The following IFIH1 variants were observed in gnomAD, a reference collection of about 807,000 sequenced individuals.
IFIH1 encodes interferon-induced helicase C domain-containing protein 1.
IFIH1 carries 125 observed loss-of-function variants against 107.4 expected under a neutral mutation model. The ratio of observed to expected loss-of-function variants is 1.16; its 90% CI spans 1.01 to 1.35. The LOEUF is 1.35. Ranked by LOEUF, IFIH1 falls within the 40% of genes most tolerant of loss-of-function variation. The probability of loss-of-function intolerance (pLI) is 0.00; values close to 1 mark genes in which losing one functional copy is unlikely to be tolerated. For missense variants in IFIH1, 1,333 were observed against 1,213.7 expected (o/e 1.10, Z -1.46); for synonymous variants, 458 against 413.2 (o/e 1.11, Z -1.31).
intron 4 of IFIH1, among the ~76,000 whole-genome samples, chr2:162,291,064 A>C (rs1682988606): frequency 6.6e-6 from 1 of 151,878 alleles, no homozygotes; most frequent in Non-Finnish European, 1.5e-5. Context: ...TAATCAATTA[A>C]ATGAAAATAG....
intron 8 of IFIH1, among the ~76,000 whole-genome samples, chr2:162,279,241 AAG>A (rs1474463736): frequency 6.6e-6 from 1 of 152,070 alleles, no homozygotes; most frequent in Non-Finnish European, 1.5e-5. Context: ...AATTTAAAAA[AAG>A]AGATATACGG....
At chr2:162,296,848 T>C (rs1358249160) in intron 3 of IFIH1, among the ~76,000 whole-genome samples, 1 of 152,112 alleles carries the variant, frequency 6.6e-6, no homozygotes, top group Non-Finnish European at 1.5e-5. Flanking sequence ...AACACCTCTG[T>C]TCTCGTTACA....
chr2:162,273,835 A>C lies in IFIH1; in HGVS notation c.2414T>G (p.Ile805Ser), dbSNP rs753623939. 11 of 1,609,048 alleles carry C rather than the reference A, an allele frequency of 6.8e-6. No individual in the cohort carries two copies. Among genetic ancestry groups the C allele is most frequent in the African/African-American group, 1.3e-5 (1 of 74,666 alleles). The part of the protein sequence containing the change: ...GLDIKECNIV[I>S]RYGLVTNEIA... ...TTCATTGGTGACGAGACCATAACGGATAACAATGTTACATTCTTTAATATC... is the reference window on the plus strand; with the variant it reads ...TTCATTGGTGACGAGACCATAACGGCTAACAATGTTACATTCTTTAATATC... Residue 805 changes from isoleucine to serine, a missense_variant, in exon 12 of 16, where the codon ATC becomes AGC. Ile to Ser is a moderately radical substitution (Grantham distance 142). Coordinates refer to ENST00000649979, the MANE Select transcript of IFIH1 (RefSeq NM_022168.4).
chr2:162,277,077 C>T (rs1001498875), intron 10 of IFIH1, 131 bp from the exon 11 acceptor site: 5 of 694,718 alleles, frequency 7.2e-6, no homozygotes, highest in African/African-American at 5.5e-5. Flanking sequence ...AATTTAAAAA[C>T]TATTTGGAAG....
At chr2:162,295,543 TAAG>T (rs1437297315) in intron 3 of IFIH1, among the ~76,000 whole-genome samples, 3 of 152,000 alleles carry the variant, frequency 2.0e-5, no homozygotes, top group East Asian at 1.9e-4. Context: ...AGTAAGCTGA[TAAG>T]AAATTTGTAG....
chr2:162,310,027 CTCTA>C (rs1477268257), intron 2 of IFIH1: 2 of 152,216 alleles, frequency 1.3e-5, no homozygotes, highest in African/African-American at 4.8e-5. Context: ...CTCTTACAGT[CTCTA>C]TCAATTACCC....
rs201917037 is a variant in IFIH1 at position 162,282,432 on chromosome 2, C to G, written c.1240G>C (p.Ala414Pro). Residue 414 changes from alanine to proline, a missense_variant, in exon 6 of 16, where the codon GCT (alanine) becomes CCT (proline). Physicochemically the swap from Ala to Pro is conservative, Grantham distance 27. Coordinates refer to ENST00000649979, the MANE Select transcript of IFIH1 (RefSeq NM_022168.4). ...VKSCDIIIST[A>P]QILENSLLNL... The stretch of plus-strand genomic sequence containing the variant: ...AAGAGGGAGTTTTCAAGGATTTGAG[C>G]TGTACTGATAATAATATCACAGGAC... The G allele has an allele frequency of 2.1e-5, 34 of 1,612,056 alleles. No individual in the cohort carries two copies. The East Asian group carries it at 7.4e-4, about 35-fold the overall frequency.
chr2:162,268,000 C>T (rs945788296), intron 14 of IFIH1, 87 bp downstream of exon 14: 16 of 839,850 alleles, frequency 1.9e-5, no homozygotes, highest in Non-Finnish European at 2.7e-5. Flanking sequence ...AAATGAATCT[C>T]ATTTGCACTA....
At chr2:162,273,176 T>C (rs184447105) in intron 12 of IFIH1, among the ~76,000 whole-genome samples, 77 of 152,304 alleles carry the variant, frequency 5.1e-4, no homozygotes, top group South Asian at 8.3e-4. Flanking sequence ...GTGTATCTAT[T>C]AATCAGCATA....
intron 2 of IFIH1, chr2:162,310,451 T>G: frequency 2.3e-6 from 1 of 432,026 alleles, no homozygotes; most frequent in Non-Finnish European, 4.1e-6. Flanking sequence ...CTAAAATACT[T>G]TCTTCCAATG....
intron 1 of IFIH1, among the ~76,000 whole-genome samples, chr2:162,316,415 A>G (rs1683488893): frequency 6.6e-6 from 1 of 152,218 alleles, no homozygotes; most frequent in Admixed American, 6.5e-5. Context: ...GCTGGTTCTC[A>G]ATACACAAAA....
intron 8 of IFIH1, among the ~76,000 whole-genome samples, chr2:162,279,585 C>T (rs1485421053): frequency 6.6e-6 from 1 of 151,996 alleles, no homozygotes; most frequent in African/African-American, 2.4e-5. Context: ...AGATAGGATT[C>T]CCATTATCAT....
In IFIH1 at chr2:162,267,295, A is replaced by T; in HGVS notation, c.2983T>A (p.Ser995Thr). The change falls in exon 16 of 16, where the codon TCA becomes ACA. Residue 995 changes from serine (S) to threonine (T), a missense_variant. Physicochemically the swap from Ser to Thr is moderately conservative, Grantham distance 58. Coordinates refer to ENST00000649979, the MANE Select transcript of IFIH1 (RefSeq NM_022168.4). ...RNFVVVFKNN[S>T]TKKQYKKWVE... is the part of the protein sequence containing the mutation. Reference sequence around the variant, plus strand: ...CACTTTTTGTATTGTTTCTTTGTTGAATTATTTTTGAAAACCACTACAAAA... The same window carrying T: ...CACTTTTTGTATTGTTTCTTTGTTGTATTATTTTTGAAAACCACTACAAAA... The T allele has an allele frequency of 6.2e-7, 1 of 1,612,290 alleles. No homozygotes were observed. Among genetic ancestry groups the T allele is most frequent in the South Asian group, 1.1e-5 (1 of 90,316 alleles).
chr2:162,304,921 T>C (rs1272390330), intron 3 of IFIH1, among the ~76,000 whole-genome samples: 1 of 152,154 alleles, frequency 6.6e-6, no homozygotes, highest in Non-Finnish European at 1.5e-5. Context: ...ATAGTATAAA[T>C]CATTTGACCC....
At chr2:162,268,363 T>A (rs1479156662) in intron 13 of IFIH1, 86 bp from the exon 14 acceptor site, 1 of 848,688 alleles carries the variant, frequency 1.2e-6, no homozygotes, top group African/African-American at 1.7e-5. Flanking sequence ...AATTTGGAGG[T>A]CTTAGTTGTG....
chr2:162,287,104 T>A (rs1682908509), intron 5 of IFIH1, among the ~76,000 whole-genome samples: 2 of 151,900 alleles, frequency 1.3e-5, no homozygotes, highest in African/African-American at 4.8e-5. Context: ...AAAAGTGTTT[T>A]AATAGTAAGT....
chr2:162,305,914 T>G (rs1367582329), intron 3 of IFIH1, among the ~76,000 whole-genome samples: 1 of 152,210 alleles, frequency 6.6e-6, no homozygotes, highest in Non-Finnish European at 1.5e-5. Context: ...TGTTCAGTGA[T>G]CTTATGTTGG....
At chr2:162,281,851 A>G (rs1682816136) in intron 6 of IFIH1, among the ~76,000 whole-genome samples, 1 of 152,026 alleles carries the variant, frequency 6.6e-6, no homozygotes, top group Non-Finnish European at 1.5e-5. Context: ...TACAAAACAA[A>G]TCTCAGGATT....
chr2:162,314,201 T>A (rs752019643), intron 1 of IFIH1, among the ~76,000 whole-genome samples: 1 of 152,124 alleles, frequency 6.6e-6, no homozygotes, highest in Admixed American at 6.5e-5. Context: ...TAACTTAGCA[T>A]CCTAAAAGAG....
Sources: allele counts gnomAD v4.1 joint callset (sites outside exome capture counted in the v4.1 genomes callset), GRCh38; gene constraint gnomAD v4.1.1; transcripts MANE v1.5; gene names NCBI Gene and HGNC (gene_info 2026-07-23, HGNC 2026-07-21).